NDUFV1: variants seen among roughly 807,000 people sequenced by gnomAD.
NDUFV1 encodes NADH dehydrogenase [ubiquinone] flavoprotein 1, mitochondrial.
In NDUFV1, 41 loss-of-function variants were observed where a neutral mutation model predicts 48.7. The ratio of observed to expected loss-of-function variants is 0.84; its 90% confidence interval spans 0.66 to 1.09. NDUFV1 has a LOEUF of 1.09. Ranked by LOEUF, NDUFV1 falls within the 50% of genes least tolerant of loss-of-function variation. NDUFV1 has a pLI of 0.00. For synonymous variants in NDUFV1, 231 were observed against 259.1 expected (o/e 0.89, Z 1.04); for missense variants, 580 against 645.4 (o/e 0.90, Z 1.10).
In NDUFV1 at chr11:67,608,403, C is replaced by G. The variant is rs754664225; in HGVS notation, c.80C>G (p.Pro27Arg). ...SVRFSGDTTAPKKTSFGSLKD... is the reference protein window; with the variant it reads ...SVRFSGDTTARKKTSFGSLKD... ...GACCCTTTGTCTCCCTAGACAGCAC[C>G]CAAGAAAACCTCATTTGGCTCGCTG... Residue 27 changes from proline to arginine, a missense_variant, in exon 2 of 10, where the codon CCC (proline) becomes CGC (arginine). Coordinates refer to ENST00000322776, the MANE Select transcript of NDUFV1 (RefSeq NM_007103.4). 146 of 1,613,912 alleles carry G rather than the reference C, an allele frequency of 9.0e-5. No homozygotes were observed. The highest frequency in any genetic ancestry group is 7.5e-4 in the Admixed American group (45 of 59,994).
In NDUFV1 at chr11:67,612,167, G is replaced by T. The variant is rs1854931125; in HGVS notation, c.1210G>T (p.Ala404Ser). The change falls in exon 9 of 10, where the codon GCC (alanine) becomes TCC (serine). Residue 404 changes from alanine (A) to serine (S), a missense_variant. Physicochemically the swap from Ala to Ser is moderately conservative, Grantham distance 99 (BLOSUM62 1). Transcript: ENST00000322776. This position sits in a 1 kb window ranked among gnomAD's most constrained non-coding sequence, Gnocchi z 4.4. Reference sequence around the variant, plus strand: ...GATGGCACGTTTCGTGAGGGGGGATGCCCGGCCGGCCGAGATCGACTCCCT... The same window carrying T: ...GATGGCACGTTTCGTGAGGGGGGATTCCCGGCCGGCCGAGATCGACTCCCT... Reference protein sequence around the residue: ...KVMARFVRGDARPAEIDSLWE... With the variant: ...KVMARFVRGDSRPAEIDSLWE... 1 of 1,613,436 alleles carries T rather than the reference G, an allele frequency of 6.2e-7. No individual in the cohort carries two copies.
At chr11:67,610,356 G>A (rs769658783) in intron 4 of NDUFV1, 25 bp from the exon 5 acceptor site, 33 of 1,613,476 alleles carry the variant, frequency 2.0e-5, no homozygotes, top group Non-Finnish European at 2.7e-5. Context: ...GGGTGGGCTG[G>A]GAAACTCACA....
Position 67,608,630 on chromosome 11 carries a change from C to T in NDUFV1, c.234C>T (p.Gly78=), listed in dbSNP as rs749383100. Residue 78 remains glycine (G), a synonymous_variant, in exon 3 of 10, where the codon GGC becomes GGT. Transcript: ENST00000322776. ...TGAAGGGGCCCGACTGGATCCTGGGCGAGATCAAGACATCGGGTTTGAGGG... is the reference window on the plus strand; with the variant it reads ...TGAAGGGGCCCGACTGGATCCTGGGTGAGATCAAGACATCGGGTTTGAGGG... ...ILLKGPDWIL[G]EIKTSGLRGR... The T allele has an allele frequency of 5.0e-6, 8 of 1,613,962 alleles. No homozygotes were observed. The highest frequency in any genetic ancestry group is 1.3e-5 in the African/African-American group (1 of 74,892).
intron 1 of NDUFV1, 179 bp downstream of exon 1, chr11:67,607,255 G>A (rs1453766471): frequency 8.0e-6 from 6 of 749,426 alleles, no homozygotes; most frequent in Non-Finnish European, 1.2e-5. Context: ...ACGCGGGGCC[G>A]ACTCCCTTGA....
chr11:67,607,101 A>T, intron 1 of NDUFV1, 25 bp downstream of exon 1: 2 of 1,597,230 alleles, frequency 1.3e-6, no homozygotes, highest in Non-Finnish European at 1.7e-6. Flanking sequence ...GGCTGGGGCC[A>T]CGGGTGTTTG....
In NDUFV1 at chr11:67,607,031, CT is replaced by C; in HGVS notation, c.28del (p.Trp10GlyfsTer26). 1 of 1,609,600 alleles carries C rather than the reference CT, an allele frequency of 6.2e-7. No individual in the cohort carries two copies. The highest frequency in any genetic ancestry group is 8.5e-7 in the Non-Finnish European group (1 of 1,179,128). On this transcript the variant is annotated frameshift_variant, in exon 1 of 10. Coordinates refer to ENST00000322776, the MANE Select transcript of NDUFV1 (RefSeq NM_007103.4). LOFTEE classifies it high-confidence loss of function. ...TGCTGGCAACACGGCGGCTGCTCGG[CT>C]GGTCGCTTCCCGCGCGGGTATCTGT... MLATRRLLG[W>X]SLPARVSVRF...
rs770293799 is a variant in NDUFV1, at chr11:67,612,004, T to G, written c.1162+26T>G. 11 of 1,613,698 alleles carry G rather than the reference T, an allele frequency of 6.8e-6. No individual in the cohort carries two copies. In the South Asian group the frequency reaches 9.9e-5, roughly 14 times the overall value. On this transcript the variant is annotated intron_variant, in intron 8 of 9. Transcript: ENST00000322776. The surrounding 1 kb of genome is among the most constrained non-coding windows in gnomAD (Gnocchi z 4.4). ...GTGAGCATCGGGCAGGTTGGGGGCT[T>G]GCTTGCTGTGGCTTCATTTAACCTC...
At position 67,608,720 on chromosome 11, in the gene NDUFV1, C is replaced by T. The variant is rs1346402643; in HGVS notation, c.324C>T (p.Gly108=). Reference sequence around the variant, plus strand: ...GCTTCATGAATAAGCCCTCAGATGGCAGGTGTGTGTGTGGGGGCGGGGCAG... The same window carrying T: ...GCTTCATGAATAAGCCCTCAGATGGTAGGTGTGTGTGTGGGGGCGGGGCAG... The part of the protein sequence containing the change: ...KWSFMNKPSD[G]RPKYLVVNAD... The change falls in exon 3 of 10, where the codon GGC becomes GGT. Residue 108 remains glycine (G), a splice_region_variant and synonymous_variant. Coordinates refer to ENST00000322776, the MANE Select transcript of NDUFV1 (RefSeq NM_007103.4). 1.9e-6 allele frequency: 3 copies of T among 1,613,650 alleles called. No individual in the cohort carries two copies. Among genetic ancestry groups the T allele is most frequent in the Non-Finnish European group, 2.5e-6 (3 of 1,179,928 alleles).
rs1807145094 is a variant in NDUFV1, at chr11:67,612,312, G to GCAACAC, written c.1308+47_1308+48insCAACAC. 1.2e-6 allele frequency: 2 copies of GCAACAC among 1,613,908 alleles called. No individual in the cohort carries two copies. The highest frequency in any genetic ancestry group is 1.7e-6 in the Non-Finnish European group (2 of 1,179,888). ...AGCACGGAGGGTGGGTGGCATCAAGGGCCCAGGGTGTTGGGGGATTTTTGG... is the reference window on the plus strand; with the variant it reads ...AGCACGGAGGGTGGGTGGCATCAAGGCAACACGCCCAGGGTGTTGGGGGATTTTTGG... On this transcript the variant is annotated intron_variant, in intron 9 of 9. Transcript: ENST00000322776. The surrounding 1 kb of genome is among the most constrained non-coding windows in gnomAD (Gnocchi z 4.4).
chr11:67,607,183 C>T lies in NDUFV1; in HGVS notation c.72+107C>T, dbSNP rs1854822127. 7 of 1,275,430 alleles carry T rather than the reference C, an allele frequency of 5.5e-6. No individual in the cohort carries two copies. In the Admixed American group the frequency reaches 5.9e-5, roughly 11 times the overall value. 79.0% of individuals were successfully genotyped at this position (1,275,430 alleles called of 1,614,324 possible). A position where few individuals can be genotyped will look rare whatever the true frequency, so the allele number is the denominator to read the frequency against. On this transcript the variant is annotated intron_variant, in intron 1 of 9. Coordinates refer to ENST00000322776, the MANE Select transcript of NDUFV1 (RefSeq NM_007103.4). ...CTGTAGTGGCCTCTGGAGAGCCCTTCTCCCCAGGCCAGGCGGGAAGGCCCC... is the reference window on the plus strand; with the variant it reads ...CTGTAGTGGCCTCTGGAGAGCCCTTTTCCCCAGGCCAGGCGGGAAGGCCCC...
chr11:67,609,405 C>T, intron 3 of NDUFV1, 47 bp from the exon 4 acceptor site: 1 of 1,600,482 alleles, frequency 6.2e-7, no homozygotes, highest in Non-Finnish European at 8.5e-7. Flanking sequence ...AGTTGAAGAC[C>T]CAGTCCTGAT....
In NDUFV1 at chr11:67,609,512, G is replaced by A; in HGVS notation, c.387G>A (p.Glu129=). 1 of 1,613,730 alleles carries A rather than the reference G, an allele frequency of 6.2e-7. No homozygotes were observed. Among genetic ancestry groups the A allele is most frequent in the Non-Finnish European group, 8.5e-7 (1 of 1,180,022 alleles). The change falls in exon 4 of 10, where the codon GAG becomes GAA. Residue 129 remains glutamate, a synonymous_variant. Transcript: ENST00000322776. ...EGEPGTCKDR[E]ILRHDPHKLL... is the part of the protein sequence containing the mutation. ...AGCCGGGCACCTGCAAGGACCGGGA[G>A]ATCTTACGCCATGATCCTCACAAGC...
Position 67,611,233 on chromosome 11 carries a change from TG to T in NDUFV1, c.913+33del, listed in dbSNP as rs758278033. 29 of 1,530,542 alleles carry T rather than the reference TG, an allele frequency of 1.9e-5. No individual in the cohort carries two copies. In the East Asian group the frequency reaches 5.1e-4, roughly 27 times the overall value. 94.8% of individuals were successfully genotyped at this position (1,530,542 alleles called of 1,614,324 possible). On this transcript the variant is annotated intron_variant, in intron 6 of 9. Transcript: ENST00000322776. The surrounding 1 kb of genome is among the most constrained non-coding windows in gnomAD (Gnocchi z 4.2). ...GTAAGGCCTGGGGCCAGCCAGGTGG[TG>T]GGGGGGTGCGCAGTGGGGGCAGGTG...
Position 67,608,635 on chromosome 11 carries a change from T to C in NDUFV1, c.239T>C (p.Ile80Thr), listed in dbSNP as rs750421766. The C allele has an allele frequency of 3.1e-6, 5 of 1,613,934 alleles. No homozygotes were observed. In the African/African-American group the frequency reaches 4.0e-5, roughly 13 times the overall value. ...LKGPDWILGEIKTSGLRGRGG... is the reference protein window; with the variant it reads ...LKGPDWILGETKTSGLRGRGG... ...GGGCCCGACTGGATCCTGGGCGAGA[T>C]CAAGACATCGGGTTTGAGGGGCCGT... is the stretch of plus-strand genomic sequence containing the variant. Residue 80 changes from isoleucine to threonine, a missense_variant, in exon 3 of 10, where the codon ATC becomes ACC. Physicochemically the swap from Ile to Thr is moderately conservative, Grantham distance 89. Coordinates refer to ENST00000322776, the MANE Select transcript of NDUFV1 (RefSeq NM_007103.4).
At position 67,611,383 on chromosome 11, in the gene NDUFV1, G is replaced by C; in HGVS notation, c.914-20G>C. Reference sequence around the variant, plus strand: ...CAGCCCTGACCATGCATCCCTTTGGGGACCGACTTGGGGCCCCAGGGGGTG... The same window carrying C: ...CAGCCCTGACCATGCATCCCTTTGGCGACCGACTTGGGGCCCCAGGGGGTG... On this transcript the variant is annotated intron_variant, in intron 6 of 9. Coordinates refer to ENST00000322776, the MANE Select transcript of NDUFV1 (RefSeq NM_007103.4). The surrounding 1 kb of genome is among the most constrained non-coding windows in gnomAD (Gnocchi z 4.2). The C allele has an allele frequency of 6.2e-7, 1 of 1,612,328 alleles. No homozygotes were observed. The highest frequency in any genetic ancestry group is 2.2e-5 in the East Asian group (1 of 44,860).
chr11:67,611,249 G>A lies in NDUFV1; in HGVS notation c.913+42G>A. 6.2e-7 allele frequency: 1 copy of A among 1,603,570 alleles called. No individual in the cohort carries two copies. Among genetic ancestry groups the A allele is most frequent in the Non-Finnish European group, 8.5e-7 (1 of 1,171,424 alleles). The stretch of plus-strand genomic sequence containing the variant: ...GCCAGGTGGTGGGGGGGTGCGCAGT[G>A]GGGGCAGGTGTCCACAAAGAGAGCC... On this transcript the variant is annotated intron_variant, in intron 6 of 9. Coordinates refer to ENST00000322776, the MANE Select transcript of NDUFV1 (RefSeq NM_007103.4). This position sits in a 1 kb window ranked among gnomAD's most constrained non-coding sequence, Gnocchi z 4.2.
rs3016861 is a variant in NDUFV1, at chr11:67,610,758, T to G, written c.700+188T>G. ...TGTCCCTCCTCCTGCCTCGGTCCCC[T>G]CCGCACCAGTGCTGCTCTGTGGCTC... is the stretch of plus-strand genomic sequence containing the variant. On this transcript the variant is annotated intron_variant, in intron 5 of 9. Transcript: ENST00000322776. The G allele has an allele frequency of 0.99, 836,390 of 847,022 alleles. 413,592 individuals carry two copies. The highest frequency in any genetic ancestry group is 1 in the East Asian group (37,691 of 37,692). The allele number at this position is 847,022 out of a possible 1,614,324, so 52.5% of individuals were successfully genotyped here. A position where few individuals can be genotyped will look rare whatever the true frequency, so the allele number is the denominator to read the frequency against.
chr11:67,611,783 C>T lies in NDUFV1; in HGVS notation c.1081-114C>T, dbSNP rs981188598. ...CCAGGGAGGCTGGAGGAGGCCAGAA[C>T]GCTGGGTGGGCTGGGAAGAGCTTCT... On this transcript the variant is annotated intron_variant, in intron 7 of 9. Transcript: ENST00000322776. The surrounding 1 kb of genome is among the most constrained non-coding windows in gnomAD (Gnocchi z 4.2). 45 of 1,466,462 alleles carry T rather than the reference C, an allele frequency of 3.1e-5. No individual in the cohort carries two copies. The highest frequency in any genetic ancestry group is 7.0e-5 in the South Asian group (6 of 85,930). The allele number at this position is 1,466,462 out of a possible 1,614,324, so 90.8% of individuals were successfully genotyped here.
At chr11:67,608,164 T>C (rs911701687) in intron 1 of NDUFV1, 1 of 569,042 alleles carries the variant, frequency 1.8e-6, no homozygotes. Flanking sequence ...AGGTGGAGTT[T>C]GCAGTGAGCT....
Sources: gnomAD v4.1 joint callset for allele counts on GRCh38, gnomAD v4.1.1 for gene constraint, Gnocchi (gnomAD v3.1) non-coding constraint, MANE v1.5 for transcripts, NCBI Gene and HGNC (gene_info 2026-07-23, HGNC 2026-07-21) for gene names.